The following VAMP5 variants were observed in gnomAD, a reference collection of about 807,000 sequenced individuals.
VAMP5 encodes vesicle associated membrane protein 5.
A neutral mutation model predicts 8.1 loss-of-function variants in VAMP5; 10 were observed. That is an observed-to-expected ratio of 1.23 (90% CI 0.76 to 2.09). VAMP5 has a LOEUF of 2.09. Among genes scored for constraint, VAMP5 ranks in the 30% most tolerant of loss-of-function variants. The pLI is 0.00. For synonymous variants in VAMP5, 62 were observed against 60.6 expected (o/e 1.02, Z -0.11); for missense variants, 135 against 152.5 (o/e 0.89, Z 0.60).
intron 1 of VAMP5, among the ~76,000 whole-genome samples, chr2:85,587,083 A>AG (rs1672473038): frequency 2.0e-5 from 3 of 151,962 alleles, no homozygotes; most frequent in Non-Finnish European, 2.9e-5. Flanking sequence ...TCAAAAAAAA[A>AG]AAGAAAGAAA....
chr2:85,588,710 C>T (rs114148288), intron 1 of VAMP5, among the ~76,000 whole-genome samples: 2,625 of 152,264 alleles, frequency 0.017, 69 homozygotes, highest in African/African-American at 0.06. Flanking sequence ...TTTTATCAGT[C>T]GCTTGGAGCC....
chr2:85,592,615 G>A (rs1237546152), intron 2 of VAMP5, among the ~76,000 whole-genome samples: 2 of 151,818 alleles, frequency 1.3e-5, no homozygotes, highest in Non-Finnish European at 2.9e-5. Context: ...ATCCTAGCCA[G>A]TATGGTGAAA....
chr2:85,592,849 GA>G, intron 2 of VAMP5, 98 bp from the exon 3 acceptor site: 1 of 1,167,142 alleles, frequency 8.6e-7, no homozygotes. Context: ...GAGGATGCAG[GA>G]GGAGACTAAG....
In VAMP5 at chr2:85,584,481, G is replaced by A; in HGVS notation, c.-10G>A. 2.4e-6 allele frequency: 3 copies of A among 1,243,210 alleles called. No homozygotes were observed. The highest frequency in any genetic ancestry group is 3.0e-6 in the Non-Finnish European group (3 of 994,934). The allele number at this position is 1,243,210 out of a possible 1,614,324, so 77.0% of individuals were successfully genotyped here. A position where few individuals can be genotyped will look rare whatever the true frequency, so the allele number is the denominator to read the frequency against. On this transcript the variant is annotated 5_prime_UTR_variant, in exon 1 of 3. Transcript: ENST00000306384. ...AGCCGGGAGCGGGCGAGGCGGCGGC[G>A]GCAGCAGCGATGGTGAGGGCCCAGG...
chr2:85,587,083 A>G (rs984421734), intron 1 of VAMP5, among the ~76,000 whole-genome samples: 1 of 151,962 alleles, frequency 6.6e-6, no homozygotes. Context: ...TCAAAAAAAA[A>G]AAGAAAGAAA....
chr2:85,586,849 G>A (rs1225143753), intron 1 of VAMP5, among the ~76,000 whole-genome samples: 1 of 152,138 alleles, frequency 6.6e-6, no homozygotes, highest in East Asian at 1.9e-4. Flanking sequence ...GCCAAGCCAG[G>A]TGGATCACGA....
rs745603055 is a variant in VAMP5, at chr2:85,591,809, C to T, written c.88C>T (p.Arg30Cys). Residue 30 changes from arginine (R) to cysteine (C), a missense_variant, in exon 2 of 3, where the codon CGT becomes TGT. Arg to Cys is a radical substitution (Grantham distance 180). Transcript: ENST00000306384. ...TAACAACTTCGGCAAGGTCCTGGAGCGTGGTGTGAAGCTGGCCGAACTGCA... is the reference window on the plus strand; with the variant it reads ...TAACAACTTCGGCAAGGTCCTGGAGTGTGGTGTGAAGCTGGCCGAACTGCA... ...MRNNFGKVLE[R>C]GVKLAELQQR... 2.2e-5 allele frequency: 36 copies of T among 1,614,010 alleles called. No individual in the cohort carries two copies. The highest frequency in any genetic ancestry group is 1.8e-4 in the Admixed American group (11 of 60,006).
At chr2:85,589,504 C>A (rs1672509816) in intron 1 of VAMP5, among the ~76,000 whole-genome samples, 1 of 152,048 alleles carries the variant, frequency 6.6e-6, no homozygotes, top group Admixed American at 6.6e-5. Flanking sequence ...AAATATCACC[C>A]CTTGTTGAAA....
chr2:85,590,747 C>T (rs1021611914), intron 1 of VAMP5, among the ~76,000 whole-genome samples: 2 of 152,272 alleles, frequency 1.3e-5, no homozygotes, highest in Non-Finnish European at 1.5e-5. Flanking sequence ...GTTTGCTAAT[C>T]CACTGGTATT....
At chr2:85,592,185 C>T (rs1220425476) in intron 2 of VAMP5, among the ~76,000 whole-genome samples, 1 of 152,180 alleles carries the variant, frequency 6.6e-6, no homozygotes, top group African/African-American at 2.4e-5. Flanking sequence ...GCAGCCTCTA[C>T]CTCCCAGGCT....
At chr2:85,590,125 C>T (rs910778136) in intron 1 of VAMP5, among the ~76,000 whole-genome samples, 8 of 152,314 alleles carry the variant, frequency 5.3e-5, no homozygotes, top group African/African-American at 1.7e-4. Flanking sequence ...CTGCTTCCTC[C>T]AGCCTGTGAG....
chr2:85,588,549 C>T (rs1267543373), intron 1 of VAMP5, among the ~76,000 whole-genome samples: 1 of 152,138 alleles, frequency 6.6e-6, no homozygotes, highest in Non-Finnish European at 1.5e-5. Flanking sequence ...CATCTCCTGG[C>T]AGTCTTGCTG....
intron 2 of VAMP5, among the ~76,000 whole-genome samples, chr2:85,592,544 T>C (rs923096921): frequency 3.3e-5 from 5 of 152,052 alleles, no homozygotes; most frequent in Non-Finnish European, 7.4e-5. Flanking sequence ...GTCTCACGCC[T>C]GTAATCCCAA....
chr2:85,585,902 G>C (rs1193344536), intron 1 of VAMP5, among the ~76,000 whole-genome samples: 2 of 152,062 alleles, frequency 1.3e-5, no homozygotes, highest in African/African-American at 4.8e-5. Context: ...AACCAACAAG[G>C]ATTTCTTGGA....
chr2:85,590,008 C>G (rs1011779986), intron 1 of VAMP5, among the ~76,000 whole-genome samples: 4 of 152,002 alleles, frequency 2.6e-5, no homozygotes, highest in African/African-American at 9.7e-5. Flanking sequence ...AATGATGGAG[C>G]CTTGTTGAAT....
Position 85,591,781 on chromosome 2 carries a change from G to A in VAMP5, c.60G>A (p.Met20Ile). ...AGGCGAACGAGGTGACGGAAATTAT[G>A]CGTAACAACTTCGGCAAGGTCCTGG... The part of the protein sequence containing the change: ...QQQANEVTEI[M>I]RNNFGKVLER... Residue 20 changes from methionine to isoleucine, a missense_variant, in exon 2 of 3, where the codon ATG becomes ATA. Physicochemically the swap from Met to Ile is conservative, Grantham distance 10. Transcript: ENST00000306384. 1 of 1,614,184 alleles carries A rather than the reference G, an allele frequency of 6.2e-7. No homozygotes were observed. Among genetic ancestry groups the A allele is most frequent in the Non-Finnish European group, 8.5e-7 (1 of 1,180,026 alleles).
chr2:85,592,978 C>T lies in VAMP5; in HGVS notation c.172C>T (p.Leu58=), dbSNP rs1672568370. The change falls in exon 3 of 3, where the codon CTG becomes TTG. Residue 58 remains leucine, a synonymous_variant. Transcript: ENST00000306384. ...AACCTTCAACAAGACTACACAGAAC[C>T]TGGCCCAGAAGAAGTGCTGGGAGAA... is the stretch of plus-strand genomic sequence containing the variant. ...SSTFNKTTQN[L]AQKKCWENIR... 1.9e-6 allele frequency: 3 copies of T among 1,614,120 alleles called. No individual in the cohort carries two copies. Among genetic ancestry groups the T allele is most frequent in the South Asian group, 1.1e-5 (1 of 91,078 alleles).
At position 85,592,952 on chromosome 2, in the gene VAMP5, C is replaced by T; in HGVS notation, c.146C>T (p.Ser49Leu). 6.2e-7 allele frequency: 1 copy of T among 1,613,736 alleles called. No individual in the cohort carries two copies. Among genetic ancestry groups the T allele is most frequent in the Non-Finnish European group, 8.5e-7 (1 of 1,180,014 alleles). The change falls in exon 3 of 3, where the codon TCA becomes TTA. Residue 49 changes from serine to leucine, a missense_variant. Transcript: ENST00000306384. ...TGTGTCTGGGGGTATCCGCAGAGCT[C>T]AACCTTCAACAAGACTACACAGAAC... ...QRSDQLLDMS[S>L]TFNKTTQNLA...
At chr2:85,589,402 A>G (rs1380499833) in intron 1 of VAMP5, among the ~76,000 whole-genome samples, 1 of 152,192 alleles carries the variant, frequency 6.6e-6, no homozygotes, top group African/African-American at 2.4e-5. Context: ...GCCTGGGTCC[A>G]TCTTGGCTCC....
Sources: gnomAD v4.1 joint callset for allele counts (sites outside exome capture counted in the v4.1 genomes callset) on GRCh38, gnomAD v4.1.1 for gene constraint, MANE v1.5 for transcripts, NCBI Gene and HGNC (gene_info 2026-07-23, HGNC 2026-07-21) for gene names.